Variants in ZFP2 observed in about 807,000 individuals in gnomAD.
ZFP2 encodes ZFP2 zinc finger protein, also known as zinc finger protein ZFP2.
A neutral mutation model predicts 36.1 loss-of-function variants in ZFP2; 33 were observed. That is an observed-to-expected ratio of 0.92 (90% confidence interval 0.69 to 1.22). The LOEUF (loss-of-function observed/expected upper bound fraction) is 1.22. ZFP2 is among the 50% of genes most tolerant of loss of function. The pLI is 0.00. For missense variants in ZFP2, 522 were observed against 551.4 expected (o/e 0.95, Z 0.53); for synonymous variants, 170 against 178.0 (o/e 0.96, Z 0.36).
intron 4 of ZFP2, among the ~76,000 whole-genome samples, chr5:178,919,793 C>A (rs1352680549): frequency 6.6e-6 from 1 of 152,030 alleles, no homozygotes; most frequent in Non-Finnish European, 1.5e-5. Context: ...GAAACCCTTT[C>A]TCTGCAAAAA....
intron 1 of ZFP2, among the ~76,000 whole-genome samples, chr5:178,908,546 C>T (rs1758218950): frequency 6.7e-6 from 1 of 150,256 alleles, no homozygotes; most frequent in South Asian, 2.1e-4. Context: ...ACAGATCTGG[C>T]ACTGTATCAT....
At chr5:178,916,051 A>T (rs1758424244) in intron 3 of ZFP2, among the ~76,000 whole-genome samples, 1 of 152,196 alleles carries the variant, frequency 6.6e-6, no homozygotes, top group Non-Finnish European at 1.5e-5. Flanking sequence ...GCAGGGCAAA[A>T]CAGCAAAGGT....
At chr5:178,916,501 A>G in intron 3 of ZFP2, 64 bp from the exon 4 acceptor site, 1 of 969,732 alleles carries the variant, frequency 1.0e-6, no homozygotes, top group Non-Finnish European at 1.2e-6. Context: ...GATAGGCGAA[A>G]GTTGAATGGA....
intron 4 of ZFP2, among the ~76,000 whole-genome samples, chr5:178,926,770 G>A (rs1050818999): frequency 4.6e-5 from 7 of 151,886 alleles, no homozygotes; most frequent in South Asian, 4.2e-4. Flanking sequence ...CGTCCACCTC[G>A]GCCTCCCAGA....
At chr5:178,908,417 A>G (rs1403700758) in intron 1 of ZFP2, among the ~76,000 whole-genome samples, 1 of 151,480 alleles carries the variant, frequency 6.6e-6, no homozygotes, top group Non-Finnish European at 1.5e-5. Context: ...ACTGCACTCC[A>G]GCCTGGGTGA....
chr5:178,899,109 G>T (rs1757995550), intron 1 of ZFP2, among the ~76,000 whole-genome samples: 1 of 151,942 alleles, frequency 6.6e-6, no homozygotes, highest in African/African-American at 2.4e-5. Context: ...CCATCTCAGG[G>T]GTTGGGAAGG....
intron 1 of ZFP2, chr5:178,909,587 C>T (rs748757034): frequency 2.1e-6 from 2 of 958,822 alleles, no homozygotes; most frequent in East Asian, 3.3e-5. Flanking sequence ...GTCTGATCAC[C>T]CCAACAAAGG....
At position 178,931,418 on chromosome 5, in the gene ZFP2, C is replaced by T; in HGVS notation, c.105C>T (p.Thr35=). 6.2e-7 allele frequency: 1 copy of T among 1,613,940 alleles called. No homozygotes were observed. Among genetic ancestry groups the T allele is most frequent in the East Asian group, 2.2e-5 (1 of 44,860 alleles). The change falls in exon 5 of 5, where the codon ACC becomes ACT. Residue 35 remains threonine, a synonymous_variant. Coordinates refer to ENST00000361362, the MANE Select transcript of ZFP2 (RefSeq NM_030613.4). ...QDSHLSQVGV[T]HKETFTEMRV... ...GTCATCTGAGCCAAGTGGGAGTTAC[C>T]CATAAGGAAACCTTCACTGAGATGA... is the stretch of plus-strand genomic sequence containing the variant.
intron 3 of ZFP2, among the ~76,000 whole-genome samples, chr5:178,916,080 A>G (rs10223205): frequency 0.2 from 30,097 of 152,090 alleles, 3,137 homozygotes; most frequent in Non-Finnish European, 0.24. Context: ...CAGGACAATA[A>G]CATAGTGAGG....
chr5:178,922,798 G>A, intron 4 of ZFP2: 2 of 1,413,754 alleles, frequency 1.4e-6, no homozygotes, highest in South Asian at 2.6e-5. Context: ...AAGCCAAGCA[G>A]TTCCATTTAC....
intron 1 of ZFP2, chr5:178,910,753 G>A (rs919324131): frequency 1.8e-5 from 4 of 219,848 alleles, no homozygotes; most frequent in South Asian, 7.7e-5. Context: ...TTCTGGAAAC[G>A]ATGGCAGCAT....
chr5:178,912,894 C>A (rs1485262875), intron 2 of ZFP2, 88 bp from the exon 3 acceptor site: 2 of 899,928 alleles, frequency 2.2e-6, no homozygotes, highest in East Asian at 1.2e-4. Flanking sequence ...GTTTCAGAAG[C>A]CCTGAAGGAG....
chr5:178,921,753 A>G (rs1758565793), intron 4 of ZFP2, among the ~76,000 whole-genome samples: 1 of 149,252 alleles, frequency 6.7e-6, no homozygotes, highest in Admixed American at 6.7e-5. Context: ...AAGGAAGCTC[A>G]CCACTGGTTC....
intron 1 of ZFP2, among the ~76,000 whole-genome samples, chr5:178,904,372 G>A (rs1469710157): frequency 6.6e-6 from 1 of 152,124 alleles, no homozygotes; most frequent in African/African-American, 2.4e-5. Context: ...CGCAGCAGGG[G>A]AACATGGTAG....
intron 1 of ZFP2, among the ~76,000 whole-genome samples, chr5:178,904,866 C>A (rs1758136867): frequency 6.6e-6 from 1 of 151,696 alleles, no homozygotes; most frequent in Non-Finnish European, 1.5e-5. Context: ...CCACGCCTGG[C>A]TAACTTTTTG....
Position 178,913,016 on chromosome 5 carries a change from G to C in ZFP2, c.-279G>C. On this transcript the variant is annotated 5_prime_UTR_variant, in exon 3 of 5. Transcript: ENST00000361362. ...TTTCCAAACCCAATGGGACTTCCCA[G>C]CTGGAACGAGAACTGAGTCTGATGC... 1.0e-6 allele frequency: 1 copy of C among 985,920 alleles called. No individual in the cohort carries two copies. Among genetic ancestry groups the C allele is most frequent in the Non-Finnish European group, 1.2e-6 (1 of 829,970 alleles). 61.1% of individuals were successfully genotyped at this position (985,920 alleles called of 1,614,324 possible). A position where few individuals can be genotyped will look rare whatever the true frequency, so the allele number is the denominator to read the frequency against.
intron 4 of ZFP2, among the ~76,000 whole-genome samples, chr5:178,923,935 C>T (rs1758611590): frequency 2.0e-5 from 3 of 149,258 alleles, no homozygotes; most frequent in Admixed American, 1.3e-4. Context: ...TTTTGAAATA[C>T]ATACACAGAA....
At chr5:178,896,545 C>T (rs907398284) in intron 1 of ZFP2, among the ~76,000 whole-genome samples, 1 of 152,178 alleles carries the variant, frequency 6.6e-6, no homozygotes, top group African/African-American at 2.4e-5. Context: ...GCGTGGGCTC[C>T]CCTCCCATCT....
At chr5:178,908,251 A>G (rs1044975569) in intron 1 of ZFP2, among the ~76,000 whole-genome samples, 1 of 152,118 alleles carries the variant, frequency 6.6e-6, no homozygotes, top group Non-Finnish European at 1.5e-5. Context: ...GATCGAGACA[A>G]TCCTGGCTAA....
Sources: gnomAD v4.1 joint callset for allele counts (sites outside exome capture counted in the v4.1 genomes callset) on GRCh38, gnomAD v4.1.1 for gene constraint, MANE v1.5 for transcripts, NCBI Gene and HGNC (gene_info 2026-07-23, HGNC 2026-07-21) for gene names.